Variants in ZNF627 observed in about 807,000 individuals in gnomAD.
ZNF627 encodes zinc finger protein 627.
In ZNF627, 12 loss-of-function variants were observed where a neutral mutation model predicts 10.6. The observed-to-expected ratio is 1.13, with a 90% CI of 0.73 to 1.84. ZNF627 has a LOEUF of 1.84. Among genes scored for constraint, ZNF627 ranks in the 40% most tolerant of loss-of-function variants. ZNF627 has a pLI of 0.00. For synonymous variants in ZNF627, 176 were observed against 187.1 expected (o/e 0.94, Z 0.48); for missense variants, 504 against 568.4 (o/e 0.89, Z 1.15).
In ZNF627 at chr19:11,614,849, C is replaced by G; in HGVS notation, c.153C>G (p.Asn51Lys). ...ASVGKQWEDQNIEDPFKIPRR... is the reference protein window; with the variant it reads ...ASVGKQWEDQKIEDPFKIPRR... Reference sequence around the variant, plus strand: ...TAGGAAAACAATGGGAAGACCAGAACATTGAAGACCCATTCAAAATTCCCA... The same window carrying G: ...TAGGAAAACAATGGGAAGACCAGAAGATTGAAGACCCATTCAAAATTCCCA... The change falls in exon 3 of 4, where the codon AAC becomes AAG. Residue 51 changes from asparagine (N) to lysine (K), a missense_variant. Asn to Lys is a moderately conservative substitution (Grantham distance 94). Coordinates refer to ENST00000361113, the MANE Select transcript of ZNF627 (RefSeq NM_145295.4). 1 of 1,606,524 alleles carries G rather than the reference C, an allele frequency of 6.2e-7. No individual in the cohort carries two copies. The highest frequency in any genetic ancestry group is 8.5e-7 in the Non-Finnish European group (1 of 1,177,770).
At chr19:11,607,289 A>G (rs1010158172) in intron 1 of ZNF627, among the ~76,000 whole-genome samples, 4 of 152,008 alleles carry the variant, frequency 2.6e-5, no homozygotes, top group African/African-American at 7.2e-5. Context: ...GGCATGTGCC[A>G]CCACGGCCAG....
chr19:11,600,523 G>C (rs1206936399), intron 1 of ZNF627, among the ~76,000 whole-genome samples: 1 of 152,048 alleles, frequency 6.6e-6, no homozygotes, highest in African/African-American at 2.4e-5. Context: ...TGGGGGTGGG[G>C]TGTGGTGATT....
rs1973922940 is a variant in ZNF627 at position 11,618,756 on chromosome 19, T to A, written c.*867T>A. ...GCTCAATGTAATGCCTCAGTTCATT[T>A]TCAGTTGTTTGATTATATGTGACTA... On this transcript the variant is annotated 3_prime_UTR_variant, in exon 4 of 4. Transcript: ENST00000361113. 1 of 152,314 alleles carries A rather than the reference T, an allele frequency of 6.6e-6. No homozygotes were observed. The highest frequency in any genetic ancestry group is 2.4e-5 in the African/African-American group (1 of 41,464). 9.4% of individuals were successfully genotyped at this position (152,314 alleles called of 1,614,324 possible).
intron 1 of ZNF627, among the ~76,000 whole-genome samples, chr19:11,598,953 G>A (rs1340262015): frequency 6.6e-6 from 1 of 152,124 alleles, no homozygotes; most frequent in East Asian, 1.9e-4. Flanking sequence ...AGGCCAAGGC[G>A]GGAGGATCAC....
chr19:11,605,346 A>G (rs998260854), intron 1 of ZNF627, among the ~76,000 whole-genome samples: 2 of 151,984 alleles, frequency 1.3e-5, no homozygotes, highest in African/African-American at 4.8e-5. Flanking sequence ...CAGCCTCTTC[A>G]GCCTAGTTTT....
intron 1 of ZNF627, among the ~76,000 whole-genome samples, chr19:11,602,969 C>A (rs1264232379): frequency 6.6e-6 from 1 of 152,134 alleles, no homozygotes; most frequent in East Asian, 1.9e-4. Context: ...CCCGTCTGTA[C>A]CCACAGGTGA....
At position 11,617,356 on chromosome 19, in the gene ZNF627, G is replaced by A. The variant is rs368565313; in HGVS notation, c.853G>A (p.Gly285Ser). 2.0e-5 allele frequency: 33 copies of A among 1,613,976 alleles called. No individual in the cohort carries two copies. Among genetic ancestry groups the A allele is most frequent in the East Asian group, 2.2e-5 (1 of 44,874 alleles). Residue 285 changes from glycine to serine, a missense_variant, in exon 4 of 4, where the codon GGT (glycine) becomes AGT (serine). By Grantham distance (56) the Gly-to-Ser change is moderately conservative. Transcript: ENST00000361113. ...GAAACCCTACGAATGTAAACAGTGC[G>A]GTAAAGCCTTTAGGTGCGCCAGTTC... is the stretch of plus-strand genomic sequence containing the variant. Reference protein sequence around the residue: ...GEKPYECKQCGKAFRCASSVR... With the variant: ...GEKPYECKQCSKAFRCASSVR...
chr19:11,613,750 T>C (rs1352592219), intron 1 of ZNF627, among the ~76,000 whole-genome samples: 1 of 152,138 alleles, frequency 6.6e-6, no homozygotes. Context: ...TATGGGAGTC[T>C]GTTCTAGTAA....
chr19:11,614,831 A>G lies in ZNF627; in HGVS notation c.135A>G (p.Lys45=). ...ETFRNLASVG[K]QWEDQNIEDP... ...TTTTCTGGGTCTAAATTTTAGGAAAACAATGGGAAGACCAGAACATTGAAG... is the reference window on the plus strand; with the variant it reads ...TTTTCTGGGTCTAAATTTTAGGAAAGCAATGGGAAGACCAGAACATTGAAG... Residue 45 remains lysine (K), a synonymous_variant, in exon 3 of 4, where the codon AAA becomes AAG. Transcript: ENST00000361113. The G allele has an allele frequency of 1.9e-6, 3 of 1,604,190 alleles. No individual in the cohort carries two copies. Among genetic ancestry groups the G allele is most frequent in the Non-Finnish European group, 2.5e-6 (3 of 1,177,318 alleles).
In ZNF627 at chr19:11,618,262, G is replaced by C. The variant is rs1973914398; in HGVS notation, c.*373G>C. 2 of 181,380 alleles carry C rather than the reference G, an allele frequency of 1.1e-5. No homozygotes were observed. Among genetic ancestry groups the C allele is most frequent in the Non-Finnish European group, 2.3e-5 (2 of 88,156 alleles). 11.2% of individuals were successfully genotyped at this position (181,380 alleles called of 1,614,324 possible). ...CAGCTGTGTGAATACAGGCTGTATGGACACTTGCTTCCATCCCATTTTCCT... is the reference window on the plus strand; with the variant it reads ...CAGCTGTGTGAATACAGGCTGTATGCACACTTGCTTCCATCCCATTTTCCT... On this transcript the variant is annotated 3_prime_UTR_variant, in exon 4 of 4. Coordinates refer to ENST00000361113, the MANE Select transcript of ZNF627 (RefSeq NM_145295.4).
At chr19:11,608,545 G>A (rs1223675875) in intron 1 of ZNF627, among the ~76,000 whole-genome samples, 1 of 152,192 alleles carries the variant, frequency 6.6e-6, no homozygotes, top group African/African-American at 2.4e-5. Flanking sequence ...TTCAAGTGGT[G>A]AGTAGCCATT....
In ZNF627 at chr19:11,605,147, G is replaced by A. The variant is rs551744351; in HGVS notation, c.3+7517G>A. On this transcript the variant is annotated intron_variant, in intron 1 of 3. Coordinates refer to ENST00000361113, the MANE Select transcript of ZNF627 (RefSeq NM_145295.4). ...CACCCAGGCTGGAGTGCAGTGGTGC[G>A]ATCATGGCTCACTGCAACCTCTGCC... Among the ~76,000 whole-genome samples, 15 of 144,414 alleles carry A rather than the reference G, an allele frequency of 1.0e-4. No homozygotes were observed. In the East Asian group the frequency reaches 1.4e-3, roughly 14 times the overall value. 94.7% of individuals were successfully genotyped at this position (144,414 alleles called of 152,430 possible).
At position 11,614,253 on chromosome 19, in the gene ZNF627, T is replaced by C. The variant is rs761900631; in HGVS notation, c.4-274T>C. 4.7e-4 allele frequency among the ~76,000 whole-genome samples: 71 copies of C among 152,188 alleles called. 1 individual carries two copies. Among genetic ancestry groups the C allele is most frequent in the Admixed American group, 2.0e-4 (3 of 15,266 alleles). ...TTTGTTACAACAGGTGCTACAGGCC[T>C]ACCTTACAGAGAGACATTAGGGGTG... On this transcript the variant is annotated intron_variant, in intron 1 of 3. Transcript: ENST00000361113.
At chr19:11,597,688 C>A in intron 1 of ZNF627, 58 bp downstream of exon 1, 2 of 1,327,732 alleles carry the variant, frequency 1.5e-6, no homozygotes, top group Non-Finnish European at 1.9e-6. Context: ...TGGAACCGGC[C>A]GGAACCGGCT....
chr19:11,601,468 T>C (rs1052550603), intron 1 of ZNF627, among the ~76,000 whole-genome samples: 2 of 152,130 alleles, frequency 1.3e-5, no homozygotes, highest in Non-Finnish European at 2.9e-5. Flanking sequence ...GCCTCCCAAG[T>C]ACCTAGGACT....
At chr19:11,600,416 G>A (rs1451195886) in intron 1 of ZNF627, among the ~76,000 whole-genome samples, 1 of 152,034 alleles carries the variant, frequency 6.6e-6, no homozygotes, top group Non-Finnish European at 1.5e-5. Context: ...CTGCAGCCTG[G>A]GCAACAGAGC....
chr19:11,606,773 T>A (rs1973682763), intron 1 of ZNF627, among the ~76,000 whole-genome samples: 1 of 152,086 alleles, frequency 6.6e-6, no homozygotes, highest in African/African-American at 2.4e-5. Context: ...CAAACCTCAA[T>A]TCTTGTCTTC....
intron 1 of ZNF627, among the ~76,000 whole-genome samples, chr19:11,606,322 G>A (rs959875777): frequency 6.6e-6 from 1 of 151,490 alleles, no homozygotes. Flanking sequence ...GGGTGATAGA[G>A]CCAGACTCTG....
chr19:11,616,283 T>G (rs1973866369), intron 3 of ZNF627, among the ~76,000 whole-genome samples: 1 of 152,168 alleles, frequency 6.6e-6, no homozygotes, highest in South Asian at 2.1e-4. Flanking sequence ...TGACCTCAGG[T>G]GATCCTCCTG....
Sources: allele counts gnomAD v4.1 joint callset (sites outside exome capture counted in the v4.1 genomes callset), GRCh38; gene constraint gnomAD v4.1.1; transcripts MANE v1.5; gene names NCBI Gene and HGNC (gene_info 2026-07-23, HGNC 2026-07-21).